Variants in TTF2 observed in about 807,000 individuals in gnomAD.
The protein encoded by TTF2 is RNA polymerase II termination factor.
TTF2 carries 108 observed loss-of-function variants against 142.4 expected under a neutral mutation model. The observed-to-expected ratio is 0.76, with a 90% confidence interval of 0.65 to 0.89. TTF2 has a LOEUF of 0.89. Ranked by LOEUF, TTF2 falls within the 40% of genes least tolerant of loss-of-function variation. TTF2 has a pLI of 0.00. For synonymous variants in TTF2, 483 were observed against 506.2 expected (o/e 0.95, Z 0.61); for missense variants, 1,327 against 1,379.8 (o/e 0.96, Z 0.61).
intron 3 of TTF2, among the ~76,000 whole-genome samples, chr1:117,067,387 G>A (rs992959365): frequency 1.3e-5 from 2 of 151,876 alleles, no homozygotes; most frequent in African/African-American, 4.8e-5. Context: ...AAAAATAGCC[G>A]GGCATGGTGG....
At position 117,081,567 on chromosome 1, in the gene TTF2, A is replaced by C. The variant is rs145094392; in HGVS notation, c.1784-261A>C. On this transcript the variant is annotated intron_variant, in intron 9 of 22. Coordinates refer to ENST00000369466, the MANE Select transcript of TTF2 (RefSeq NM_003594.4). ...GGTAATAACATAACATAGGGACTAG[A>C]ATAATATTCAAATTGTAAGTTTTAA... 2.3e-3 allele frequency among the ~76,000 whole-genome samples: 357 copies of C among 152,354 alleles called. 2 individuals carry two copies. The highest frequency in any genetic ancestry group is 8.4e-3 in the African/African-American group (351 of 41,578).
chr1:117,067,843 G>A (rs753038890), intron 3 of TTF2, among the ~76,000 whole-genome samples: 2 of 152,216 alleles, frequency 1.3e-5, no homozygotes, highest in Non-Finnish European at 2.9e-5. Context: ...TTGGCTGAAT[G>A]TAGTCAGGAG....
chr1:117,082,853 TTATAAG>T (rs1240885868), intron 10 of TTF2, among the ~76,000 whole-genome samples: 2 of 152,030 alleles, frequency 1.3e-5, no homozygotes, highest in African/African-American at 4.8e-5. Flanking sequence ...AGTAATAACT[TTATAAG>T]TACTTTAAAG....
intron 16 of TTF2, 97 bp from the exon 17 acceptor site, chr1:117,091,720 C>A: frequency 6.9e-7 from 1 of 1,446,128 alleles, no homozygotes; most frequent in Non-Finnish European, 9.3e-7. Context: ...AGTCTGAGAT[C>A]AAACATGGTT....
Position 117,104,569 on chromosome 1 carries a change from T to G in TTF2, c.*3045T>G, listed in dbSNP as rs1328575033. Reference sequence around the variant, plus strand: ...TTAAAACAGCTTTTCTAATTTCTCATGTTATTGTACATAAGCAAAGCAACC... The same window carrying G: ...TTAAAACAGCTTTTCTAATTTCTCAGGTTATTGTACATAAGCAAAGCAACC... On this transcript the variant is annotated 3_prime_UTR_variant, in exon 23 of 23. Coordinates refer to ENST00000369466, the MANE Select transcript of TTF2 (RefSeq NM_003594.4). 6.6e-6 allele frequency: 1 copy of G among 152,242 alleles called. No individual in the cohort carries two copies. Among genetic ancestry groups the G allele is most frequent in the Non-Finnish European group, 1.5e-5 (1 of 68,044 alleles). 9.4% of individuals were successfully genotyped at this position (152,242 alleles called of 1,614,324 possible).
rs1295809899 is a variant in TTF2, at chr1:117,097,137, T to TCA, written c.3187-203_3187-202dup. ...ACTCAGTTAATTTTTTGAGGTTGAC[T>TCA]CACACACACACAAAATGTGATGTGA... On this transcript the variant is annotated intron_variant, in intron 20 of 22. Coordinates refer to ENST00000369466, the MANE Select transcript of TTF2 (RefSeq NM_003594.4). This position sits in a 1 kb window ranked among gnomAD's most constrained non-coding sequence, Gnocchi z 4.1. Among the ~76,000 whole-genome samples the TCA allele has an allele frequency of 2.0e-5, 3 of 151,934 alleles. No homozygotes were observed. The highest frequency in any genetic ancestry group is 7.3e-5 in the African/African-American group (3 of 41,360).
intron 2 of TTF2, among the ~76,000 whole-genome samples, chr1:117,060,943 T>C (rs1426262642): frequency 6.6e-6 from 1 of 152,226 alleles, no homozygotes; most frequent in Non-Finnish European, 1.5e-5. Flanking sequence ...AAATAATTTG[T>C]CCCTGTTTTG....
intron 3 of TTF2, among the ~76,000 whole-genome samples, chr1:117,071,052 A>G (rs537803898): frequency 6.6e-6 from 1 of 152,332 alleles, no homozygotes; most frequent in South Asian, 2.1e-4. Context: ...TAAAAATTGC[A>G]TTTAATGAGT....
chr1:117,103,612 G>A lies in TTF2; in HGVS notation c.*2088G>A, dbSNP rs770381743. 9 of 152,194 alleles carry A rather than the reference G, an allele frequency of 5.9e-5. No individual in the cohort carries two copies. The highest frequency in any genetic ancestry group is 1.9e-4 in the East Asian group (1 of 5,188). 9.4% of individuals were successfully genotyped at this position (152,194 alleles called of 1,614,324 possible). On this transcript the variant is annotated 3_prime_UTR_variant, in exon 23 of 23. Coordinates refer to ENST00000369466, the MANE Select transcript of TTF2 (RefSeq NM_003594.4). ...GGTGGGAAGAATTCTAGTCTAGAACGTTTGAGATTTGACTCTAGTTCTAGG... is the reference window on the plus strand; with the variant it reads ...GGTGGGAAGAATTCTAGTCTAGAACATTTGAGATTTGACTCTAGTTCTAGG...
At position 117,090,176 on chromosome 1, in the gene TTF2, A is replaced by G; in HGVS notation, c.2464A>G (p.Lys822Glu). ...LTKSLLLRRT[K>E]DQLDSTGRPL... ...CAAGAGCCTTTTGCTGAGGAGAACAAAAGACCAGCTGGACTCTACTGGCAG... is the reference window on the plus strand; with the variant it reads ...CAAGAGCCTTTTGCTGAGGAGAACAGAAGACCAGCTGGACTCTACTGGCAG... The change falls in exon 14 of 23, where the codon AAA (lysine) becomes GAA (glutamate). Residue 822 changes from lysine to glutamate, a missense_variant. Transcript: ENST00000369466. This position sits in a 1 kb window ranked among gnomAD's most constrained non-coding sequence, Gnocchi z 4.8. 1 of 1,614,110 alleles carries G rather than the reference A, an allele frequency of 6.2e-7. No homozygotes were observed. The highest frequency in any genetic ancestry group is 8.5e-7 in the Non-Finnish European group (1 of 1,179,986).
At chr1:117,061,284 C>G (rs1480394363) in intron 2 of TTF2, among the ~76,000 whole-genome samples, 1 of 152,046 alleles carries the variant, frequency 6.6e-6, no homozygotes, top group Non-Finnish European at 1.5e-5. Context: ...CCCAGCTACT[C>G]GTGAGGCTGA....
Position 117,084,048 on chromosome 1 carries a change from T to G in TTF2, c.1934T>G (p.Leu645Arg). The change falls in exon 11 of 23, where the codon CTA becomes CGA. Residue 645 changes from leucine to arginine, a missense_variant. By Grantham distance (102) the Leu-to-Arg change is moderately radical. Coordinates refer to ENST00000369466, the MANE Select transcript of TTF2 (RefSeq NM_003594.4). ...TGTGACTTTACTTCCCATGGAACAC[T>G]AATCATCTGTCCTGCCTCCCTGATC... is the stretch of plus-strand genomic sequence containing the variant. ...DSCDFTSHGT[L>R]IICPASLIHH... The G allele has an allele frequency of 6.2e-7, 1 of 1,614,240 alleles. No homozygotes were observed. The highest frequency in any genetic ancestry group is 8.5e-7 in the Non-Finnish European group (1 of 1,180,044).
intron 4 of TTF2, 126 bp from the exon 5 acceptor site, chr1:117,074,743 AC>A: frequency 2.3e-6 from 2 of 861,406 alleles, no homozygotes; most frequent in East Asian, 2.7e-5. Flanking sequence ...AGTGCAATAT[AC>A]TCATATAACA....
intron 2 of TTF2, among the ~76,000 whole-genome samples, chr1:117,061,919 A>G (rs1260567124): frequency 6.6e-6 from 1 of 152,220 alleles, no homozygotes; most frequent in African/African-American, 2.4e-5. Flanking sequence ...AAATTTTTTC[A>G]TAATAAGTTG....
intron 2 of TTF2, among the ~76,000 whole-genome samples, chr1:117,061,549 A>G (rs1453102928): frequency 6.6e-6 from 1 of 152,206 alleles, no homozygotes; most frequent in Non-Finnish European, 1.5e-5. Context: ...CAACATGTAT[A>G]CTAACTTCCC....
rs1329849710 is a variant in TTF2, at chr1:117,086,266, T to TGC, written c.2055-150_2055-149insCG. 3 of 578,770 alleles carry TGC rather than the reference T, an allele frequency of 5.2e-6. No homozygotes were observed. The highest frequency in any genetic ancestry group is 4.3e-4 in the Middle Eastern group (1 of 2,302). The allele number at this position is 578,770 out of a possible 1,614,324, so 35.9% of individuals were successfully genotyped here. On this transcript the variant is annotated intron_variant, in intron 11 of 22. Transcript: ENST00000369466. The surrounding 1 kb of genome is among the most constrained non-coding windows in gnomAD (Gnocchi z 4.2). The stretch of plus-strand genomic sequence containing the variant: ...TCCAAAATGTGTGTGTGTGTGTGTG[T>TGC]GTGTGCGTGTGTGTGTTAAGGACAC...
chr1:117,090,047 C>T lies in TTF2; in HGVS notation c.2343-8C>T, dbSNP rs377203216. Reference sequence around the variant, plus strand: ...CCTACTCTGTGCCCTTCTTCCTCAACAAAAAAGGTTTCTCCGTTGCTCTCC... The same window carrying T: ...CCTACTCTGTGCCCTTCTTCCTCAATAAAAAAGGTTTCTCCGTTGCTCTCC... On this transcript the variant is annotated splice_polypyrimidine_tract_variant and splice_region_variant and intron_variant, in intron 13 of 22. Coordinates refer to ENST00000369466, the MANE Select transcript of TTF2 (RefSeq NM_003594.4). This position sits in a 1 kb window ranked among gnomAD's most constrained non-coding sequence, Gnocchi z 4.8. The T allele has an allele frequency of 5.0e-6, 8 of 1,611,370 alleles. No individual in the cohort carries two copies. In the African/African-American group the frequency reaches 1.1e-4, roughly 22 times the overall value.
rs73006031 is a variant in TTF2 at position 117,074,976 on chromosome 1, A to G, written c.392A>G (p.Lys131Arg). The G allele has an allele frequency of 3.4e-4, 555 of 1,614,030 alleles. 2 individuals carry two copies. The African/African-American group carries it at 6.9e-3, about 20-fold the overall frequency. Residue 131 changes from lysine to arginine, a missense_variant, in exon 5 of 23, where the codon AAG (lysine) becomes AGG (arginine). Physicochemically the swap from Lys to Arg is conservative, Grantham distance 26. Coordinates refer to ENST00000369466, the MANE Select transcript of TTF2 (RefSeq NM_003594.4). The part of the protein sequence containing the change: ...WLRNPFKVLD[K>R]NQEPALWKQL... ...AGAAATCCATTCAAGGTACTTGACA[A>G]GAATCAAGAACCAGCTCTCTGGAAA...
Position 117,106,394 on chromosome 1 carries a change from A to C in TTF2, c.*4870A>C, listed in dbSNP as rs1649946573. On this transcript the variant is annotated 3_prime_UTR_variant, in exon 23 of 23. Transcript: ENST00000369466. ...TTACCCAGATTCCATAGCTAAATCCAGATGTATTAATAGGTAGAGACTACT... is the reference window on the plus strand; with the variant it reads ...TTACCCAGATTCCATAGCTAAATCCCGATGTATTAATAGGTAGAGACTACT... The C allele has an allele frequency of 6.6e-6, 1 of 152,228 alleles. No individual in the cohort carries two copies. The highest frequency in any genetic ancestry group is 6.5e-5 in the Admixed American group (1 of 15,290). 9.4% of individuals were successfully genotyped at this position (152,228 alleles called of 1,614,324 possible).
Sources: gnomAD v4.1 joint callset for allele counts (sites outside exome capture counted in the v4.1 genomes callset) on GRCh38, gnomAD v4.1.1 for gene constraint, Gnocchi (gnomAD v3.1) non-coding constraint, MANE v1.5 for transcripts, NCBI Gene and HGNC (gene_info 2026-07-23, HGNC 2026-07-21) for gene names.